Variants in MBNL3 observed in about 807,000 individuals in gnomAD.
MBNL3 encodes the protein muscleblind-like protein 3.
MBNL3 carries 6 observed loss-of-function variants against 24.5 expected under a neutral mutation model. The observed-to-expected ratio is 0.25, with a 90% CI of 0.13 to 0.48. The LOEUF (loss-of-function observed/expected upper bound fraction) is 0.48, where lower values mean the gene tolerates loss of function less well. Among genes scored for constraint, MBNL3 ranks in the 20% least tolerant of loss-of-function variants. The pLI is 0.99. For missense variants in MBNL3, 230 were observed against 293.5 expected, an observed-to-expected ratio of 0.78 and a Z score of 1.58; for synonymous variants, 100 against 101.7, an observed-to-expected ratio of 0.98 and a Z score of 0.10.
At chrX:132,411,657 T>G (rs1187956768) in intron 2 of MBNL3, among the ~76,000 whole-genome samples, 6 of 111,711 alleles carry the variant, frequency 5.4e-5, no homozygotes, top group Non-Finnish European at 1.1e-4. Context: ...CGTCTCCCCA[T>G]TCCTGTCCCC....
chrX:132,489,828 C>T (rs1213161381), upstream of MBNL3: 4 of 110,780 alleles, frequency 3.6e-5, no homozygotes, highest in African/African-American at 6.5e-5. Flanking sequence ...CTCCGCGCGC[C>T]GCTGCGGGAC....
rs187109413 is a variant in MBNL3 at position 132,467,853 on chromosome X, T to C, written c.-704+20998A>G. Among the ~76,000 whole-genome samples, 79 of 112,364 alleles carry C rather than the reference T, an allele frequency of 7.0e-4. 1 individual carries two copies. Among genetic ancestry groups the C allele is most frequent in the Non-Finnish European group, 1.3e-3 (67 of 53,315 alleles). ...TGGAAATAATAAATATGAAGCAATA[T>C]TGAAAGATGAAAGGTTATTAGTAAC... is the stretch of plus-strand genomic sequence containing the variant. On this transcript the variant is annotated intron_variant, in intron 1 of 8. Transcript: ENST00000370853.
chrX:132,430,196 TAAA>T (rs1944623853), intron 2 of MBNL3: 1 of 110,902 alleles, frequency 9.0e-6, no homozygotes, highest in African/African-American at 3.3e-5. Flanking sequence ...AAGGACAGAC[TAAA>T]AAAGCTAACT....
rs187687967 is a variant in MBNL3 at position 132,384,920 on chromosome X, T to C, written c.923-222A>G. ...TTGGATTCTTAGGTACAAAATCAGC[T>C]ATAATTTTTCTTTAAAAGAATTAAC... On this transcript the variant is annotated intron_variant, in intron 6 of 8. Coordinates refer to ENST00000370853, the MANE Select transcript of MBNL3 (RefSeq NM_001386889.1). Among the ~76,000 whole-genome samples the C allele has an allele frequency of 3.0e-3, 340 of 112,264 alleles. 1 individual carries two copies. Among genetic ancestry groups the C allele is most frequent in the Non-Finnish European group, 4.9e-3 (259 of 53,199 alleles).
intron 1 of MBNL3, among the ~76,000 whole-genome samples, chrX:132,484,968 A>G (rs1947926368): frequency 9.1e-6 from 1 of 109,633 alleles, no homozygotes; most frequent in Non-Finnish European, 1.9e-5. Context: ...CATTTAAATC[A>G]AGCCTCCTTT....
intron 1 of MBNL3, among the ~76,000 whole-genome samples, chrX:132,484,263 T>C (rs1390722400): frequency 8.9e-6 from 1 of 112,148 alleles, no homozygotes; most frequent in African/African-American, 3.2e-5. Flanking sequence ...TTGATTTTTC[T>C]TTTGTCAATA....
chrX:132,478,658 CAT>C (rs1262431519), intron 1 of MBNL3, among the ~76,000 whole-genome samples: 1 of 112,439 alleles, frequency 8.9e-6, no homozygotes, highest in African/African-American at 3.2e-5. Context: ...CTACATGACA[CAT>C]GTTGATATTT....
intron 1 of MBNL3, among the ~76,000 whole-genome samples, chrX:132,461,465 G>A (rs1255233454): frequency 9.0e-6 from 1 of 110,865 alleles, no homozygotes; most frequent in Non-Finnish European, 1.9e-5. Context: ...TTTCTAACCT[G>A]TATTCTAGGT....
chrX:132,423,624 C>T (rs1265572707), intron 2 of MBNL3, among the ~76,000 whole-genome samples: 2 of 111,676 alleles, frequency 1.8e-5, no homozygotes, highest in African/African-American at 3.3e-5. Flanking sequence ...CACCCTGCAG[C>T]GAGGAAGTAA....
chrX:132,386,682 G>A lies in MBNL3; in HGVS notation c.901C>T (p.Gln301Ter), dbSNP rs1203560793. 8.3e-7 allele frequency: 1 copy of A among 1,208,807 alleles called. No homozygotes were observed. Among genetic ancestry groups the A allele is most frequent in the Non-Finnish European group, 1.1e-6 (1 of 895,202 alleles). Residue 301 changes from glutamine to a stop codon, truncating the protein, a stop_gained, in exon 6 of 9, where the codon CAG (glutamine) becomes TAG (stop). Coordinates refer to ENST00000370853, the MANE Select transcript of MBNL3 (RefSeq NM_001386889.1). LOFTEE classifies it high-confidence loss of function. The stretch of plus-strand genomic sequence containing the variant: ...TCACCTGCAGGGATAAATGCCGGCT[G>A]TGGGAGCTGCAGGTTAGTCAGAGCC... The part of the protein sequence containing the change: ...QQALTNLQLP[Q>*]PAFIPAGPIL...
chrX:132,424,442 G>A (rs2148384005), intron 2 of MBNL3, among the ~76,000 whole-genome samples: 1 of 111,664 alleles, frequency 9.0e-6, no homozygotes, highest in East Asian at 2.8e-4. Context: ...TGTTGAAAAT[G>A]AGGAAGAGCA....
intron 1 of MBNL3, among the ~76,000 whole-genome samples, chrX:132,456,610 T>C (rs967646203): frequency 8.9e-6 from 1 of 112,330 alleles, no homozygotes; most frequent in Non-Finnish European, 1.9e-5. Flanking sequence ...TAAAATTTCA[T>C]TTAAAAACCA....
At chrX:132,409,130 T>G (rs1167249912) in intron 2 of MBNL3, among the ~76,000 whole-genome samples, 1 of 112,516 alleles carries the variant, frequency 8.9e-6, no homozygotes, top group Non-Finnish European at 1.9e-5. Context: ...GATAATATAT[T>G]TGTACACACA....
At chrX:132,448,122 G>A (rs1945836347) in intron 1 of MBNL3, among the ~76,000 whole-genome samples, 1 of 111,911 alleles carries the variant, frequency 8.9e-6, no homozygotes, top group Non-Finnish European at 1.9e-5. Context: ...TGGTGGATAA[G>A]CTTTTTGATG....
At position 132,439,842 on chromosome X, in the gene MBNL3, C is replaced by A. The variant is rs1451405512; in HGVS notation, c.-231G>T. ...CTAAAAATGAAATTAGAGACCAACT[C>A]TTAAGAAGCCAACTGTTAAGATAAT... On this transcript the variant is annotated 5_prime_UTR_variant, in exon 2 of 9. Coordinates refer to ENST00000370853, the MANE Select transcript of MBNL3 (RefSeq NM_001386889.1). 1.8e-5 allele frequency among the ~76,000 whole-genome samples: 2 copies of A among 111,541 alleles called. No homozygotes were observed. The highest frequency in any genetic ancestry group is 9.6e-5 in the Admixed American group (1 of 10,469).
chrX:132,437,905 C>G, intron 2 of MBNL3: 2 of 666,268 alleles, frequency 3.0e-6, no homozygotes, highest in Non-Finnish European at 3.6e-6. Context: ...TTACCTTTAT[C>G]TTTACAATAA....
At chrX:132,394,271 G>A (rs2148136625) in intron 3 of MBNL3, among the ~76,000 whole-genome samples, 1 of 111,756 alleles carries the variant, frequency 8.9e-6, no homozygotes, top group East Asian at 2.8e-4. Flanking sequence ...ACAGGAATAC[G>A]GGATACTTGT....
chrX:132,453,660 G>T (rs1006517407), intron 1 of MBNL3, among the ~76,000 whole-genome samples: 1 of 111,597 alleles, frequency 9.0e-6, no homozygotes, highest in Non-Finnish European at 1.9e-5. Context: ...AACTAGGATG[G>T]TTTTTTTGTT....
chrX:132,483,740 C>G (rs1214698726), intron 1 of MBNL3, among the ~76,000 whole-genome samples: 1 of 111,947 alleles, frequency 8.9e-6, no homozygotes, highest in Non-Finnish European at 1.9e-5. Flanking sequence ...TGTGGTGGAT[C>G]TGAAATGACA....
Sources: allele counts gnomAD v4.1 joint callset (sites outside exome capture counted in the v4.1 genomes callset), GRCh38; gene constraint gnomAD v4.1.1; transcripts MANE v1.5; gene names NCBI Gene and HGNC (gene_info 2026-07-23, HGNC 2026-07-21).